The following DTNA variants were observed in gnomAD, a reference collection of about 807,000 sequenced individuals.
The protein encoded by DTNA is dystrobrevin alpha.
Under a neutral mutation model 100.7 loss-of-function variants are expected in DTNA, and 43 were observed. The ratio of observed to expected loss-of-function variants is 0.43; its 90% confidence interval spans 0.33 to 0.55. The LOEUF (loss-of-function observed/expected upper bound fraction) is 0.55. Among genes scored for constraint, DTNA ranks in the 20% least tolerant of loss-of-function variants. DTNA has a pLI of 0.04. For missense variants in DTNA, 798 were observed against 953.9 expected, an observed-to-expected ratio of 0.84 and a Z score of 2.15; for synonymous variants, 349 against 347.9, an observed-to-expected ratio of 1.00 and a Z score of -0.04.
intron 1 of DTNA, among the ~76,000 whole-genome samples, chr18:34,495,993 T>C (rs369005872): frequency 2.0e-4 from 30 of 152,334 alleles, no homozygotes; most frequent in Admixed American, 2.6e-4. Context: ...CTTCTTCACA[T>C]AACGAGTTTC....
intron 1 of DTNA, among the ~76,000 whole-genome samples, chr18:34,589,270 A>C (rs2049442414): frequency 2.0e-5 from 3 of 152,146 alleles, no homozygotes; most frequent in Admixed American, 1.3e-4. Context: ...TGATTACTAC[A>C]GTTAAACAAA....
intron 1 of DTNA, among the ~76,000 whole-genome samples, chr18:34,668,548 C>A (rs1431558142): frequency 6.6e-6 from 1 of 151,978 alleles, no homozygotes; most frequent in East Asian, 1.9e-4. Flanking sequence ...TTCCTGCTTT[C>A]TCTTGTGGGC....
intron 1 of DTNA, among the ~76,000 whole-genome samples, chr18:34,498,442 T>TATTATA (rs1555783601): frequency 2.1e-4 from 30 of 141,840 alleles, no homozygotes; most frequent in Admixed American, 5.0e-4. Context: ...CAGAAAATAA[T>TATTATA]ATAATAATAA....
intron 1 of DTNA, among the ~76,000 whole-genome samples, chr18:34,736,754 A>G (rs2089678518): frequency 6.6e-6 from 1 of 152,190 alleles, no homozygotes; most frequent in African/African-American, 2.4e-5. Context: ...TTTTGGCCAA[A>G]AACTGTGTGA....
intron 1 of DTNA, among the ~76,000 whole-genome samples, chr18:34,716,817 G>A (rs1391474019): frequency 6.6e-6 from 1 of 152,148 alleles, no homozygotes; most frequent in East Asian, 1.9e-4. Flanking sequence ...CTTTACCCAT[G>A]TATATGTGTT....
intron 13 of DTNA, among the ~76,000 whole-genome samples, chr18:34,845,668 C>T (rs932030129): frequency 1.3e-5 from 2 of 152,076 alleles, no homozygotes; most frequent in Non-Finnish European, 2.9e-5. Context: ...GGTAGTTTGA[C>T]GTCGAAAGAA....
chr18:34,598,406 A>G (rs1004282066), intron 1 of DTNA, among the ~76,000 whole-genome samples: 15 of 152,198 alleles, frequency 9.9e-5, no homozygotes, highest in South Asian at 6.2e-4. Flanking sequence ...GAAAATGTCA[A>G]TGAGGCACAA....
chr18:34,731,000 TC>T (rs2087995982), intron 1 of DTNA, among the ~76,000 whole-genome samples: 1 of 152,212 alleles, frequency 6.6e-6, no homozygotes, highest in South Asian at 2.1e-4. Flanking sequence ...ACAAATATTT[TC>T]CCTCTTACTA....
chr18:34,816,679 A>G lies in DTNA; in HGVS notation c.709+665A>G, dbSNP rs368409705. ...TTTAGGTGTTCCTACTTATTGTTCA[A>G]TGTAACTCTGAAATTTCTCCAGACT... On this transcript the variant is annotated intron_variant, in intron 7 of 22. Coordinates refer to ENST00000444659, the MANE Select transcript of DTNA (RefSeq NM_001386795.1). Among the ~76,000 whole-genome samples the G allele has an allele frequency of 1.1e-4, 16 of 152,306 alleles. No individual in the cohort carries two copies. In the East Asian group the frequency reaches 1.5e-3, roughly 15 times the overall value.
At chr18:34,763,503 T>C (rs1601617543) in intron 2 of DTNA, among the ~76,000 whole-genome samples, 1 of 152,322 alleles carries the variant, frequency 6.6e-6, no homozygotes, top group African/African-American at 2.4e-5. Flanking sequence ...TAGAAAAGAT[T>C]TGACTTATAT....
At chr18:34,665,008 C>T (rs2075711885) in intron 1 of DTNA, among the ~76,000 whole-genome samples, 1 of 150,258 alleles carries the variant, frequency 6.7e-6, no homozygotes, top group African/African-American at 2.5e-5. Flanking sequence ...TAAAGGTACT[C>T]ATCTCCCCAG....
At chr18:34,526,741 A>T (rs1408907946) in intron 1 of DTNA, among the ~76,000 whole-genome samples, 1 of 152,122 alleles carries the variant, frequency 6.6e-6, no homozygotes, top group Non-Finnish European at 1.5e-5. Context: ...CTATTGTTTA[A>T]GAATGCATGA....
intron 17 of DTNA, chr18:34,867,224 A>C: frequency 8.1e-7 from 1 of 1,231,442 alleles, no homozygotes. Context: ...GTGTGTAACA[A>C]AGAATGTTTG....
chr18:34,495,413 CAAAGT>C (rs779283088), intron 1 of DTNA, among the ~76,000 whole-genome samples: 7 of 152,122 alleles, frequency 4.6e-5, no homozygotes, highest in Non-Finnish European at 8.8e-5. Context: ...GATGTATCAG[CAAAGT>C]AAATTATTAT....
intron 21 of DTNA, among the ~76,000 whole-genome samples, chr18:34,882,961 G>A (rs1468513732): frequency 1.3e-5 from 2 of 152,104 alleles, no homozygotes; most frequent in African/African-American, 4.8e-5. Context: ...GAAATGTTGG[G>A]GGAACTGCAG....
chr18:34,754,255 G>T (rs1202169919), intron 1 of DTNA, among the ~76,000 whole-genome samples: 2 of 151,932 alleles, frequency 1.3e-5, no homozygotes, highest in South Asian at 2.1e-4. Flanking sequence ...TTACCCTCAG[G>T]TGAGTCATTT....
chr18:34,548,944 C>T (rs1307716867), intron 1 of DTNA, among the ~76,000 whole-genome samples: 1 of 152,090 alleles, frequency 6.6e-6, no homozygotes, highest in East Asian at 1.9e-4. Context: ...CAAATCAAGT[C>T]TCTAGAATGA....
At chr18:34,804,320 T>G (rs956190975) in intron 4 of DTNA, among the ~76,000 whole-genome samples, 2 of 152,138 alleles carry the variant, frequency 1.3e-5, no homozygotes, top group South Asian at 4.1e-4. Context: ...ACGTTAGAAC[T>G]TCGTCCTGAG....
At chr18:34,780,813 G>A (rs2094286081) in intron 3 of DTNA, among the ~76,000 whole-genome samples, 1 of 152,174 alleles carries the variant, frequency 6.6e-6, no homozygotes, top group South Asian at 2.1e-4. Flanking sequence ...CTGAAACCAG[G>A]AAGGGAGGAA....
Sources: allele counts gnomAD v4.1 joint callset (sites outside exome capture counted in the v4.1 genomes callset), GRCh38; gene constraint gnomAD v4.1.1; transcripts MANE v1.5; gene names NCBI Gene and HGNC (gene_info 2026-07-23, HGNC 2026-07-21).